The following CNTN4 variants were observed in gnomAD, a reference collection of about 807,000 sequenced individuals.
The protein encoded by CNTN4 is contactin-4.
Under a neutral mutation model 122.5 loss-of-function variants are expected in CNTN4, and 77 were observed. The observed-to-expected ratio is 0.63, with a 90% CI of 0.52 to 0.76. The LOEUF is 0.76. Among genes scored for constraint, CNTN4 ranks in the 30% least tolerant of loss-of-function variants. The probability of loss-of-function intolerance (pLI) is 0.00; values close to 1 mark genes in which losing one functional copy is unlikely to be tolerated. For synonymous variants in CNTN4, 512 were observed against 447.0 expected (o/e 1.15, Z -1.83); for missense variants, 1,256 against 1,259.1 (o/e 1.00, Z 0.04).
At chr3:2,100,102 G>A (rs570627738) in intron 1 of CNTN4, among the ~76,000 whole-genome samples, 2 of 152,302 alleles carry the variant, frequency 1.3e-5, no homozygotes, top group East Asian at 3.9e-4. Flanking sequence ...TGTAGGGCGA[G>A]TCAGTGTGAC....
intron 2 of CNTN4, among the ~76,000 whole-genome samples, chr3:2,322,894 T>C (rs1484124589): frequency 6.6e-6 from 1 of 152,142 alleles, no homozygotes; most frequent in Non-Finnish European, 1.5e-5. Context: ...TCTAAGATCT[T>C]TAAAATAGAG....
At chr3:3,051,576 G>A (rs946726948) in intron 23 of CNTN4, among the ~76,000 whole-genome samples, 6 of 152,228 alleles carry the variant, frequency 3.9e-5, no homozygotes, top group African/African-American at 1.2e-4. Context: ...GGGCCGTGAT[G>A]AGAAGCTTTG....
intron 3 of CNTN4, among the ~76,000 whole-genome samples, chr3:2,372,316 TAA>T (rs1457900496): frequency 6.6e-6 from 1 of 152,208 alleles, no homozygotes; most frequent in East Asian, 1.9e-4. Context: ...CAGATAAACT[TAA>T]AGACTTATGA....
At chr3:2,669,003 T>C (rs150192408) in intron 4 of CNTN4, among the ~76,000 whole-genome samples, 9,765 of 152,294 alleles carry the variant, frequency 0.064, 498 homozygotes, top group African/African-American at 0.14. Context: ...CAGTATTTTA[T>C]TGAGGATTTT....
At chr3:2,105,447 G>T (rs958078518) in intron 2 of CNTN4, among the ~76,000 whole-genome samples, 2 of 152,110 alleles carry the variant, frequency 1.3e-5, no homozygotes, top group Non-Finnish European at 2.9e-5. Context: ...ACTCAGTTCC[G>T]CATGGCCTCA....
At chr3:2,320,906 A>G (rs1299248159) in intron 2 of CNTN4, among the ~76,000 whole-genome samples, 1 of 152,184 alleles carries the variant, frequency 6.6e-6, no homozygotes, top group Non-Finnish European at 1.5e-5. Context: ...GAATAATTAT[A>G]ACAGCAGCAG....
intron 2 of CNTN4, among the ~76,000 whole-genome samples, chr3:2,294,638 A>G (rs537357804): frequency 1.3e-5 from 2 of 152,168 alleles, no homozygotes; most frequent in East Asian, 3.9e-4. Flanking sequence ...AAAAACAACA[A>G]CAACAACAAA....
At chr3:2,287,233 A>G (rs2041933255) in intron 2 of CNTN4, among the ~76,000 whole-genome samples, 1 of 152,190 alleles carries the variant, frequency 6.6e-6, no homozygotes, top group African/African-American at 2.4e-5. Context: ...TAACTCTAGC[A>G]TACAATGCGT....
At chr3:2,386,004 T>G (rs1157326308) in intron 3 of CNTN4, among the ~76,000 whole-genome samples, 1 of 152,104 alleles carries the variant, frequency 6.6e-6, no homozygotes, top group Non-Finnish European at 1.5e-5. Context: ...CACCTTCATT[T>G]TATAGGAATT....
chr3:2,459,213 G>A (rs1650512170), intron 3 of CNTN4, among the ~76,000 whole-genome samples: 3 of 152,112 alleles, frequency 2.0e-5, no homozygotes, highest in African/African-American at 7.2e-5. Context: ...CTTCAATGGG[G>A]AATGTTCCTT....
At chr3:2,562,383 C>G (rs1463542030) in intron 3 of CNTN4, among the ~76,000 whole-genome samples, 1 of 152,142 alleles carries the variant, frequency 6.6e-6, no homozygotes, top group Non-Finnish European at 1.5e-5. Context: ...TCCCCTCCTT[C>G]TCTCTTTGTT....
At chr3:2,605,615 AGTG>A (rs1234740760) in intron 4 of CNTN4, among the ~76,000 whole-genome samples, 1 of 152,128 alleles carries the variant, frequency 6.6e-6, no homozygotes, top group Non-Finnish European at 1.5e-5. Context: ...CTTAGACCCA[AGTG>A]GTGGAGGTAG....
At chr3:3,009,072 C>A in intron 14 of CNTN4, 4 of 976,596 alleles carry the variant, frequency 4.1e-6, no homozygotes, top group Non-Finnish European at 4.9e-6. Flanking sequence ...AGAGCACCAC[C>A]TCCGGAGCCA....
At chr3:2,788,771 A>C (rs1275880877) in intron 6 of CNTN4, among the ~76,000 whole-genome samples, 3 of 152,106 alleles carry the variant, frequency 2.0e-5, no homozygotes, top group Admixed American at 2.0e-4. Flanking sequence ...AGAATTACCC[A>C]ATCCCCCTAG....
At chr3:3,011,724 T>G (rs1441104965) in intron 14 of CNTN4, among the ~76,000 whole-genome samples, 2 of 152,214 alleles carry the variant, frequency 1.3e-5, no homozygotes, top group Non-Finnish European at 2.9e-5. Context: ...CATTTTGTCC[T>G]GACTTAGAGT....
chr3:2,614,753 A>T (rs1189365412), intron 4 of CNTN4, among the ~76,000 whole-genome samples: 1 of 152,142 alleles, frequency 6.6e-6, no homozygotes, highest in Non-Finnish European at 1.5e-5. Context: ...GATGCCTGTC[A>T]GACATCCTTG....
chr3:2,885,347 C>A (rs531954844), intron 9 of CNTN4, among the ~76,000 whole-genome samples: 40 of 152,150 alleles, frequency 2.6e-4, no homozygotes, highest in Non-Finnish European at 5.6e-4. Context: ...CTTGAGAGTA[C>A]ATAAAGACCT....
At chr3:2,872,613 A>G (rs1348924641) in intron 8 of CNTN4, among the ~76,000 whole-genome samples, 1 of 152,158 alleles carries the variant, frequency 6.6e-6, no homozygotes, top group Admixed American at 6.5e-5. Flanking sequence ...TTGGAACTCC[A>G]CATAGAAGAG....
intron 14 of CNTN4, chr3:2,988,716 C>G (rs541525019): frequency 1.9e-6 from 1 of 512,866 alleles, no homozygotes; most frequent in African/African-American, 1.9e-5. Context: ...GCCATTGTAT[C>G]TCTTATAGTA....
Sources: allele counts gnomAD v4.1 joint callset (sites outside exome capture counted in the v4.1 genomes callset), GRCh38; gene constraint gnomAD v4.1.1; transcripts MANE v1.5; gene names NCBI Gene and HGNC (gene_info 2026-07-23, HGNC 2026-07-21).